TTC13: variants seen among roughly 807,000 people sequenced by gnomAD.
The protein encoded by TTC13 is tetratricopeptide repeat protein 13.
A neutral mutation model predicts 120.0 loss-of-function variants in TTC13; 62 were observed. The observed-to-expected ratio is 0.52, with a 90% CI of 0.42 to 0.64. TTC13 has a LOEUF of 0.64. TTC13 is among the 30% of genes least tolerant of loss of function. TTC13 has a pLI of 0.00. For synonymous variants in TTC13, 384 were observed against 393.5 expected, an observed-to-expected ratio of 0.98 and a Z score of 0.28; for missense variants, 824 against 1,050.2, an observed-to-expected ratio of 0.78 and a Z score of 2.98.
chr1:230,917,781 A>T (rs2102769929), intron 17 of TTC13, among the ~76,000 whole-genome samples: 1 of 152,278 alleles, frequency 6.6e-6, no homozygotes, highest in Admixed American at 6.5e-5. Context: ...AGACAAAGAC[A>T]TATAAAATAT....
At chr1:230,941,692 G>C (rs1351053461) in intron 6 of TTC13, among the ~76,000 whole-genome samples, 1 of 152,132 alleles carries the variant, frequency 6.6e-6, no homozygotes, top group Admixed American at 6.5e-5. Context: ...AGAGGATTCA[G>C]GCAGGCCTAT....
Position 230,908,710 on chromosome 1 carries a change from ACCTTTT to A in TTC13, c.2464_2468+1del. The A allele has an allele frequency of 6.2e-7, 1 of 1,612,770 alleles. No individual in the cohort carries two copies. ...TTGTGTGGACCCCCCTCAAGTAGTT[ACCTTTT>A]CAAGTTCATCCAGCTTTTGGCGACT... On this transcript the variant is annotated splice_donor_variant and coding_sequence_variant, in exon 22 of 23. Transcript: ENST00000366661. LOFTEE classifies it high-confidence loss of function.
intron 2 of TTC13, among the ~76,000 whole-genome samples, chr1:230,958,653 T>C (rs1337003474): frequency 6.6e-6 from 1 of 152,228 alleles, no homozygotes; most frequent in African/African-American, 2.4e-5. Context: ...TGTCAAATGT[T>C]TACAGACAAG....
intron 22 of TTC13, chr1:230,908,485 T>C: frequency 1.8e-6 from 1 of 549,986 alleles, no homozygotes; most frequent in East Asian, 3.5e-5. Flanking sequence ...CTACTGTGCC[T>C]GGCCTTCATA....
chr1:230,958,762 AG>A (rs1184351495), intron 2 of TTC13, among the ~76,000 whole-genome samples: 1 of 152,216 alleles, frequency 6.6e-6, no homozygotes, highest in East Asian at 1.9e-4. Context: ...AGACCAAGGT[AG>A]GAAGATCACT....
Position 230,978,802 on chromosome 1 carries a change from C to A in TTC13, c.29G>T (p.Cys10Phe). The A allele has an allele frequency of 1.3e-6, 2 of 1,492,448 alleles. No homozygotes were observed. Among genetic ancestry groups the A allele is most frequent in the East Asian group, 2.7e-5 (1 of 36,952 alleles). The allele number at this position is 1,492,448 out of a possible 1,614,324, so 92.5% of individuals were successfully genotyped here. Residue 10 changes from cysteine (C) to phenylalanine (F), a missense_variant, in exon 1 of 23, where the codon TGC becomes TTC. Transcript: ENST00000366661. The surrounding 1 kb of genome is among the most constrained non-coding windows in gnomAD (Gnocchi z 5.6). ...GGCCACAGCGCCGCCCCAGAAGCAG[C>A]AGCAGCAGCAGCAGCCGGCAGGTGC... MAPAGCCCC[C>F]CFWGGAVAAA...
In TTC13 at chr1:230,908,808, T is replaced by C. The variant is rs374670440; in HGVS notation, c.2389-17A>G. 6.2e-7 allele frequency: 1 copy of C among 1,611,154 alleles called. No individual in the cohort carries two copies. The highest frequency in any genetic ancestry group is 1.3e-5 in the African/African-American group (1 of 74,842). On this transcript the variant is annotated splice_polypyrimidine_tract_variant and intron_variant, in intron 21 of 22. Coordinates refer to ENST00000366661, the MANE Select transcript of TTC13 (RefSeq NM_024525.5). ...GTCGACTAACTGAAAAAGAAAGACA[T>C]TTAGGAATGTTACTAAACATGGAGG...
At chr1:230,949,931 G>A (rs1045238270) in intron 4 of TTC13, among the ~76,000 whole-genome samples, 5 of 152,192 alleles carry the variant, frequency 3.3e-5, no homozygotes, top group Non-Finnish European at 7.3e-5. Flanking sequence ...TTACAGGCCT[G>A]AGCCACCACG....
At position 230,978,810 on chromosome 1, in the gene TTC13, G is replaced by A. The variant is rs902242903; in HGVS notation, c.21C>T (p.Cys7=). The change falls in exon 1 of 23, where the codon TGC becomes TGT. Residue 7 remains cysteine (C), a synonymous_variant. Transcript: ENST00000366661. The surrounding 1 kb of genome is among the most constrained non-coding windows in gnomAD (Gnocchi z 5.6). ...CGCCGCCCCAGAAGCAGCAGCAGCA[G>A]CAGCAGCCGGCAGGTGCCATCTTCC... MAPAGC[C]CCCCFWGGAV... The A allele has an allele frequency of 6.2e-5, 92 of 1,487,624 alleles. No individual in the cohort carries two copies. Among genetic ancestry groups the A allele is most frequent in the Non-Finnish European group, 7.9e-5 (89 of 1,128,964 alleles). 92.2% of individuals were successfully genotyped at this position (1,487,624 alleles called of 1,614,324 possible).
intron 16 of TTC13, 23 bp from the exon 17 acceptor site, chr1:230,920,617 T>C (rs369637271): frequency 8.6e-6 from 12 of 1,399,152 alleles, no homozygotes; most frequent in Non-Finnish European, 1.2e-5. Context: ...CAGAGAGAGA[T>C]GGCAACTGAG....
At chr1:230,960,581 A>AC (rs1247238145) in intron 2 of TTC13, among the ~76,000 whole-genome samples, 1 of 152,172 alleles carries the variant, frequency 6.6e-6, no homozygotes, top group Non-Finnish European at 1.5e-5. Context: ...GTTTGAAAAA[A>AC]AAAAAAAAGA....
intron 18 of TTC13, among the ~76,000 whole-genome samples, chr1:230,913,195 A>T (rs1413213464): frequency 6.6e-6 from 1 of 152,238 alleles, no homozygotes; most frequent in Non-Finnish European, 1.5e-5. Context: ...AAAACAAAAA[A>T]AAAGTGGAGC....
intron 11 of TTC13, among the ~76,000 whole-genome samples, chr1:230,929,333 T>TTTTTC (rs1673331969): frequency 6.6e-6 from 1 of 151,670 alleles, no homozygotes; most frequent in African/African-American, 2.4e-5. Context: ...TTTTTTTTTT[T>TTTTTC]TGAGACGGAG....
chr1:230,963,818 G>C (rs1463477640), intron 1 of TTC13, among the ~76,000 whole-genome samples: 1 of 152,188 alleles, frequency 6.6e-6, no homozygotes, highest in South Asian at 2.1e-4. Context: ...GCTAGAGCAG[G>C]GAGTTTGTGT....
intron 12 of TTC13, among the ~76,000 whole-genome samples, chr1:230,927,422 A>C (rs1181642981): frequency 2.6e-5 from 4 of 152,120 alleles, no homozygotes; most frequent in African/African-American, 7.2e-5. Context: ...TTGCTCATCT[A>C]GTGGCTGAAA....
rs536759419 is a variant in TTC13 at position 230,942,046 on chromosome 1, C to T, written c.673-1490G>A. Among the ~76,000 whole-genome samples the T allele has an allele frequency of 6.6e-6, 1 of 152,042 alleles. No homozygotes were observed. Among genetic ancestry groups the T allele is most frequent in the South Asian group, 2.1e-4 (1 of 4,808 alleles). On this transcript the variant is annotated intron_variant, in intron 6 of 22. Transcript: ENST00000366661. The surrounding 1 kb of genome is among the most constrained non-coding windows in gnomAD (Gnocchi z 4.0). ...TAGTAACATTATTGCCCAAACAATGCCAGAAAAACAGAATATTATTATACA... is the reference window on the plus strand; with the variant it reads ...TAGTAACATTATTGCCCAAACAATGTCAGAAAAACAGAATATTATTATACA...
At chr1:230,921,020 T>C (rs1391172958) in intron 16 of TTC13, among the ~76,000 whole-genome samples, 1 of 152,236 alleles carries the variant, frequency 6.6e-6, no homozygotes. Context: ...CCACCGATTT[T>C]ATATTTACTT....
chr1:230,978,820 G>T lies in TTC13; in HGVS notation c.11C>A (p.Ala4Asp). ...GAAGCAGCAGCAGCAGCAGCAGCCG[G>T]CAGGTGCCATCTTCCCTCAAGGCGC... MAP[A>D]GCCCCCCFWG... The change falls in exon 1 of 23, where the codon GCC (alanine) becomes GAC (aspartate). Residue 4 changes from alanine (A) to aspartate (D), a missense_variant. Transcript: ENST00000366661. This position sits in a 1 kb window ranked among gnomAD's most constrained non-coding sequence, Gnocchi z 5.6. 1.3e-6 allele frequency: 2 copies of T among 1,481,922 alleles called. No homozygotes were observed. Among genetic ancestry groups the T allele is most frequent in the Non-Finnish European group, 1.8e-6 (2 of 1,126,586 alleles). The allele number at this position is 1,481,922 out of a possible 1,614,324, so 91.8% of individuals were successfully genotyped here.
chr1:230,969,256 C>T lies in TTC13; in HGVS notation c.272-7953G>A, dbSNP rs146701309. On this transcript the variant is annotated intron_variant, in intron 1 of 22. Coordinates refer to ENST00000366661, the MANE Select transcript of TTC13 (RefSeq NM_024525.5). ...CAGCCTGGGTGACAAAGCGACACTC[C>T]ATCTCAAAAAAAGAAAAGAAAAGAA... Among the ~76,000 whole-genome samples the T allele has an allele frequency of 8.0e-3, 1,024 of 128,286 alleles. 10 individuals carry two copies. Among genetic ancestry groups the T allele is most frequent in the African/African-American group, 0.03 (973 of 32,864 alleles). 84.2% of individuals were successfully genotyped at this position (128,286 alleles called of 152,430 possible).
Sources: allele counts gnomAD v4.1 joint callset (sites outside exome capture counted in the v4.1 genomes callset), GRCh38; gene constraint gnomAD v4.1.1; non-coding constraint Gnocchi (gnomAD v3.1); transcripts MANE v1.5; gene names NCBI Gene and HGNC (gene_info 2026-07-23, HGNC 2026-07-21).